GRTP1: variants seen among roughly 807,000 people sequenced by gnomAD.
GRTP1 encodes the protein growth hormone-regulated TBC protein 1.
A neutral mutation model predicts 38.1 loss-of-function variants in GRTP1; 56 were observed. The ratio of observed to expected loss-of-function variants is 1.47; its 90% CI spans 1.19 to 1.84. The LOEUF is 1.84. GRTP1 is among the 40% of genes most tolerant of loss of function. The probability of loss-of-function intolerance (pLI) is 0.00; values close to 1 mark genes in which losing one functional copy is unlikely to be tolerated. For synonymous variants in GRTP1, 217 were observed against 189.5 expected (o/e 1.14, Z -1.19); for missense variants, 506 against 453.9 (o/e 1.11, Z -1.04).
chr13:113,346,518 C>CTG (rs1187948844), intron 4 of GRTP1, among the ~76,000 whole-genome samples: 242 of 6,284 alleles, frequency 0.039, 65 homozygotes, highest in African/African-American at 0.04. Context: ...ACCTCTGTGG[C>CTG]AAAGAGCAGA....
At chr13:113,326,601 G>C (rs1415902156) in intron 5 of GRTP1, among the ~76,000 whole-genome samples, 1 of 151,538 alleles carries the variant, frequency 6.6e-6, no homozygotes, top group Non-Finnish European at 1.5e-5. Flanking sequence ...AACCTGGGAG[G>C]TGGAGGTTGC....
chr13:113,355,253 G>C (rs756511819), intron 3 of GRTP1, 70 bp downstream of exon 3: 282 of 1,538,880 alleles, frequency 1.8e-4, no homozygotes, highest in Non-Finnish European at 2.5e-4. Flanking sequence ...GCTGAGGCTA[G>C]ACACTGGGTG....
chr13:113,363,190 C>G (rs371654610), intron 2 of GRTP1, among the ~76,000 whole-genome samples: 1 of 152,160 alleles, frequency 6.6e-6, no homozygotes. Flanking sequence ...CGCGGAGGAG[C>G]GGCAGGTCGA....
chr13:113,333,606 A>G (rs2042906896), intron 5 of GRTP1, among the ~76,000 whole-genome samples: 3 of 151,846 alleles, frequency 2.0e-5, no homozygotes, highest in East Asian at 3.9e-4. Context: ...CCAGGCTCAG[A>G]CAATTCTCGT....
intron 5 of GRTP1, among the ~76,000 whole-genome samples, chr13:113,340,323 A>C (rs1391302398): frequency 6.6e-6 from 1 of 151,484 alleles, no homozygotes; most frequent in Non-Finnish European, 1.5e-5. Flanking sequence ...AAATAAAAAA[A>C]AAAAAATCAA....
intron 5 of GRTP1, among the ~76,000 whole-genome samples, chr13:113,334,653 C>G (rs1397769529): frequency 6.6e-6 from 1 of 152,118 alleles, no homozygotes; most frequent in Non-Finnish European, 1.5e-5. Context: ...GAAAGACTTT[C>G]TAACTGGGGT....
At chr13:113,345,972 G>A (rs2043099778) in intron 4 of GRTP1, among the ~76,000 whole-genome samples, 1 of 152,110 alleles carries the variant, frequency 6.6e-6, no homozygotes, top group South Asian at 2.1e-4. Context: ...GCAGACCCAG[G>A]AGGACTTTTG....
chr13:113,335,106 G>T (rs368553749), intron 5 of GRTP1, among the ~76,000 whole-genome samples: 1 of 152,058 alleles, frequency 6.6e-6, no homozygotes, highest in Non-Finnish European at 1.5e-5. Context: ...ACAGGCATGA[G>T]CACCATGCCT....
At chr13:113,359,232 C>T (rs1319673434) in intron 2 of GRTP1, among the ~76,000 whole-genome samples, 8 of 152,198 alleles carry the variant, frequency 5.3e-5, no homozygotes, top group African/African-American at 1.9e-4. Flanking sequence ...AGTGGGCTGA[C>T]TTCAAAGGAC....
chr13:113,347,957 C>T (rs1051433087), intron 4 of GRTP1, among the ~76,000 whole-genome samples: 33 of 148,550 alleles, frequency 2.2e-4, no homozygotes, highest in African/African-American at 6.3e-4. Flanking sequence ...AGAGCGGACC[C>T]GGGAGGACCT....
At position 113,343,199 on chromosome 13, in the gene GRTP1, C is replaced by A. The variant is rs983016693; in HGVS notation, c.562+1664G>T. Among the ~76,000 whole-genome samples the A allele has an allele frequency of 3.9e-5, 6 of 152,192 alleles. No homozygotes were observed. Among genetic ancestry groups the A allele is most frequent in the Non-Finnish European group, 7.3e-5 (5 of 68,032 alleles). On this transcript the variant is annotated intron_variant, in intron 5 of 7. Coordinates refer to ENST00000375431, the MANE Select transcript of GRTP1 (RefSeq NM_024719.4). This position sits in a 1 kb window ranked among gnomAD's most constrained non-coding sequence, Gnocchi z 4.8. ...GCTGTGAGCCCGTTTCCATGTCCTA[C>A]CAATCCCACATTTGGATGTCTCCTA...
chr13:113,354,474 T>A (rs1348084065), intron 3 of GRTP1, among the ~76,000 whole-genome samples: 1 of 152,224 alleles, frequency 6.6e-6, no homozygotes, highest in African/African-American at 2.4e-5. Context: ...CAAAAACTGT[T>A]AAAATCAGAA....
chr13:113,324,486 G>A lies in GRTP1; in HGVS notation c.*2C>T, dbSNP rs771074723. ...GACGAGCAACGCAGGGGACAGGCACGCTCACCCCTGTGCCAGCAGCCGGGC... is the reference window on the plus strand; with the variant it reads ...GACGAGCAACGCAGGGGACAGGCACACTCACCCCTGTGCCAGCAGCCGGGC... On this transcript the variant is annotated 3_prime_UTR_variant, in exon 8 of 8. Coordinates refer to ENST00000375431, the MANE Select transcript of GRTP1 (RefSeq NM_024719.4). The A allele has an allele frequency of 3.2e-5, 52 of 1,605,504 alleles. No individual in the cohort carries two copies. Among genetic ancestry groups the A allele is most frequent in the Middle Eastern group, 1.7e-4 (1 of 5,732 alleles).
At chr13:113,346,092 ACATCTGTGGCC>A in intron 4 of GRTP1, among the ~76,000 whole-genome samples, 2 of 21,172 alleles carry the variant, frequency 9.4e-5, no homozygotes, top group Non-Finnish European at 1.9e-4. Flanking sequence ...ACCTGGGAAG[ACATCTGTGGCC>A]GAGAACAGAC....
chr13:113,325,133 A>G lies in GRTP1; in HGVS notation c.921+528T>C, dbSNP rs1220353817. The stretch of plus-strand genomic sequence containing the variant: ...GCGTGAGCCACCGCGCCCGGCCAAC[A>G]TGGTCTTCTCTTTGATGAAGGCCCA... On this transcript the variant is annotated intron_variant, in intron 7 of 7. Transcript: ENST00000375431. 1.1e-5 allele frequency: 11 copies of G among 1,022,644 alleles called. No individual in the cohort carries two copies. In the South Asian group the frequency reaches 2.1e-4, roughly 19 times the overall value. The allele number at this position is 1,022,644 out of a possible 1,614,324, so 63.3% of individuals were successfully genotyped here.
intron 3 of GRTP1, among the ~76,000 whole-genome samples, chr13:113,353,421 C>T (rs868431210): frequency 2.0e-5 from 3 of 152,254 alleles, no homozygotes; most frequent in Admixed American, 2.0e-4. Context: ...GAATATTATT[C>T]ACCCTTAAAG....
At chr13:113,325,208 G>C in intron 7 of GRTP1, 1 of 1,117,652 alleles carries the variant, frequency 8.9e-7, no homozygotes, top group Admixed American at 4.5e-5. Flanking sequence ...GAGTGGCCCC[G>C]AGCCTCCACT....
Position 113,336,708 on chromosome 13 carries a change from G to A in GRTP1, c.562+8155C>T, listed in dbSNP as rs548721703. The stretch of plus-strand genomic sequence containing the variant: ...GATGTCCTGAAGCCCTGAGGACAGC[G>A]GACACATGAACTGCCCTAGAACGGT... On this transcript the variant is annotated intron_variant, in intron 5 of 7. Coordinates refer to ENST00000375431, the MANE Select transcript of GRTP1 (RefSeq NM_024719.4). Among the ~76,000 whole-genome samples the A allele has an allele frequency of 5.3e-5, 8 of 151,690 alleles. No homozygotes were observed. The East Asian group carries it at 7.8e-4, about 15-fold the overall frequency.
At chr13:113,331,676 G>A (rs1457906141) in intron 5 of GRTP1, among the ~76,000 whole-genome samples, 3 of 91,108 alleles carry the variant, frequency 3.3e-5, no homozygotes, top group Admixed American at 1.4e-4. Flanking sequence ...TTTTTTTTTA[G>A]ACAGAGTCTC....
Sources: gnomAD v4.1 joint callset for allele counts (sites outside exome capture counted in the v4.1 genomes callset) on GRCh38, gnomAD v4.1.1 for gene constraint, Gnocchi (gnomAD v3.1) non-coding constraint, MANE v1.5 for transcripts, NCBI Gene and HGNC (gene_info 2026-07-23, HGNC 2026-07-21) for gene names.